The following SPAG16 variants were observed in gnomAD, a reference collection of about 807,000 sequenced individuals.
SPAG16 encodes the protein sperm-associated antigen 16 protein.
In SPAG16, 86 loss-of-function variants were observed where a neutral mutation model predicts 80.4. That is an observed-to-expected ratio of 1.07 (90% CI 0.90 to 1.28). SPAG16 has a LOEUF of 1.28. Among genes scored for constraint, SPAG16 ranks in the 50% most tolerant of loss-of-function variants. The pLI is 0.00. For synonymous variants in SPAG16, 294 were observed against 265.9 expected (o/e 1.11, Z -1.03); for missense variants, 870 against 765.3 (o/e 1.14, Z -1.61).
In SPAG16 at chr2:213,999,983, G is replaced by T. The variant is rs9679149; in HGVS notation, c.1401-13968G>T. On this transcript the variant is annotated intron_variant, in intron 12 of 15. Coordinates refer to ENST00000331683, the MANE Select transcript of SPAG16 (RefSeq NM_024532.5). The stretch of plus-strand genomic sequence containing the variant: ...TGCTTTTGATTTTACAGGCTCATAG[G>T]TGGAAGGGATTTGCCTTGTCTCAGA... 9.1e-3 allele frequency among the ~76,000 whole-genome samples: 1,385 copies of T among 152,294 alleles called. 26 individuals carry two copies. Among genetic ancestry groups the T allele is most frequent in the African/African-American group, 0.031 (1,286 of 41,562 alleles).
intron 15 of SPAG16, among the ~76,000 whole-genome samples, chr2:214,237,192 G>C (rs1173731632): frequency 6.6e-6 from 1 of 151,910 alleles, no homozygotes; most frequent in African/African-American, 2.4e-5. Context: ...TCTGGATTTA[G>C]GGTCTGTTCC....
intron 2 of SPAG16, 140 bp from the exon 3 acceptor site, chr2:213,297,122 G>A (rs1194812148): frequency 6.8e-7 from 1 of 1,479,630 alleles, no homozygotes; most frequent in East Asian, 2.6e-5. Context: ...ATTTTTCATG[G>A]ATCTTCAGAA....
chr2:213,833,543 TATATAATATATATAATATATATA>T, intron 10 of SPAG16, among the ~76,000 whole-genome samples: 6 of 526 alleles, frequency 0.011, 1 homozygote, highest in Non-Finnish European at 0.014. Flanking sequence ...ATATATAATA[TATATAATATATATAATATATATA>T]ATATATATAT....
At chr2:213,888,847 C>T (rs1367103654) in intron 11 of SPAG16, among the ~76,000 whole-genome samples, 1 of 151,752 alleles carries the variant, frequency 6.6e-6, no homozygotes, top group Admixed American at 6.6e-5. Context: ...ACATTTCTTC[C>T]CTCACTCCTA....
chr2:213,958,622 A>G (rs532670384), intron 12 of SPAG16, among the ~76,000 whole-genome samples: 29 of 152,320 alleles, frequency 1.9e-4, no homozygotes, highest in Non-Finnish European at 3.8e-4. Flanking sequence ...ATATCTTTAC[A>G]TATAATGTGC....
At chr2:213,472,897 G>C (rs1040966511) in intron 9 of SPAG16, among the ~76,000 whole-genome samples, 2 of 152,198 alleles carry the variant, frequency 1.3e-5, no homozygotes, top group African/African-American at 2.4e-5. Flanking sequence ...CTAGTAAAAT[G>C]CTGGAGGTTT....
chr2:214,260,842 C>T (rs981396227), intron 15 of SPAG16, among the ~76,000 whole-genome samples: 1 of 151,984 alleles, frequency 6.6e-6, no homozygotes, highest in African/African-American at 2.4e-5. Context: ...TGCAGTGGCT[C>T]ACAACTGTAA....
intron 15 of SPAG16, among the ~76,000 whole-genome samples, chr2:214,296,252 A>G (rs79556606): frequency 0.013 from 1,973 of 152,314 alleles, 46 homozygotes; most frequent in Non-Finnish European, 0.012. Flanking sequence ...TTATGGTTGC[A>G]TAGAATTCCA....
At chr2:214,122,938 C>CA (rs1450424717) in intron 14 of SPAG16, among the ~76,000 whole-genome samples, 1 of 151,710 alleles carries the variant, frequency 6.6e-6, no homozygotes, top group Admixed American at 6.6e-5. Flanking sequence ...CCTACATATT[C>CA]AAAAAATAAT....
At chr2:214,208,232 T>G (rs539877627) in intron 15 of SPAG16, among the ~76,000 whole-genome samples, 2 of 152,314 alleles carry the variant, frequency 1.3e-5, no homozygotes, top group South Asian at 4.1e-4. Context: ...TAATTTAGGT[T>G]TCCAGAATTA....
chr2:213,915,473 G>A (rs530101940), intron 11 of SPAG16, among the ~76,000 whole-genome samples: 5 of 152,132 alleles, frequency 3.3e-5, no homozygotes, highest in African/African-American at 1.2e-4. Flanking sequence ...ACTTTTTATG[G>A]CTGCATAGTA....
At chr2:214,119,719 C>A (rs2054117480) in intron 14 of SPAG16, among the ~76,000 whole-genome samples, 1 of 151,274 alleles carries the variant, frequency 6.6e-6, no homozygotes, top group East Asian at 1.9e-4. Flanking sequence ...TAACTAATTT[C>A]TTTCTTTTCT....
At chr2:213,599,435 T>G (rs1289047770) in intron 10 of SPAG16, among the ~76,000 whole-genome samples, 1 of 152,150 alleles carries the variant, frequency 6.6e-6, no homozygotes, top group Admixed American at 6.5e-5. Context: ...ATGGCCAGTA[T>G]CCTCCTCTTC....
At chr2:214,257,453 C>T (rs1008826238) in intron 15 of SPAG16, among the ~76,000 whole-genome samples, 1 of 151,916 alleles carries the variant, frequency 6.6e-6, no homozygotes, top group Non-Finnish European at 1.5e-5. Context: ...CTTTGTTCCC[C>T]ATTATAGGTT....
At chr2:213,900,941 C>G (rs9288481) in intron 11 of SPAG16, among the ~76,000 whole-genome samples, 52,055 of 151,980 alleles carry the variant, frequency 0.34, 9,391 homozygotes, top group South Asian at 0.47. Context: ...TTAATTCATT[C>G]TAAGGCAGAG....
chr2:213,729,307 G>T (rs1295182518), intron 10 of SPAG16, among the ~76,000 whole-genome samples: 3 of 151,986 alleles, frequency 2.0e-5, no homozygotes, highest in Non-Finnish European at 4.4e-5. Context: ...TGTGACTCTG[G>T]ATGACTCTTT....
intron 6 of SPAG16, among the ~76,000 whole-genome samples, chr2:213,348,308 T>C (rs1345614323): frequency 1.3e-5 from 2 of 152,188 alleles, no homozygotes; most frequent in Non-Finnish European, 2.9e-5. Context: ...TGCAACACAA[T>C]GATGGGTCTT....
At chr2:214,217,433 C>G (rs2058460212) in intron 15 of SPAG16, among the ~76,000 whole-genome samples, 1 of 152,296 alleles carries the variant, frequency 6.6e-6, no homozygotes, top group South Asian at 2.1e-4. Flanking sequence ...TATGTGACCC[C>G]CTCTGACTAT....
At chr2:214,155,077 G>T (rs947026739) in intron 15 of SPAG16, among the ~76,000 whole-genome samples, 9 of 152,160 alleles carry the variant, frequency 5.9e-5, no homozygotes, top group African/African-American at 2.2e-4. Context: ...GAGCCAGTGG[G>T]TAGTCCAGGA....
Sources: gnomAD v4.1 joint callset for allele counts (sites outside exome capture counted in the v4.1 genomes callset) on GRCh38, gnomAD v4.1.1 for gene constraint, MANE v1.5 for transcripts, NCBI Gene and HGNC (gene_info 2026-07-23, HGNC 2026-07-21) for gene names.